The following SUN1 variants were observed in gnomAD, a reference collection of about 807,000 sequenced individuals.
SUN1 encodes Sad1 and UNC84 domain containing 1.
SUN1 carries 61 observed loss-of-function variants against 103.2 expected under a neutral mutation model. The observed-to-expected ratio is 0.59, with a 90% CI of 0.48 to 0.73. SUN1 has a LOEUF of 0.73. Ranked by LOEUF, SUN1 falls within the 30% of genes least tolerant of loss-of-function variation. The pLI is 0.00. For synonymous variants in SUN1, 490 were observed against 425.7 expected, an observed-to-expected ratio of 1.15 and a Z score of -1.86; for missense variants, 1,052 against 1,034.6, an observed-to-expected ratio of 1.02 and a Z score of -0.23.
intron 5 of SUN1, chr7:848,714 C>G (rs532462224): frequency 1.3e-6 from 1 of 768,142 alleles, no homozygotes; most frequent in Non-Finnish European, 1.8e-6. Context: ...TCGCTGCCTC[C>G]TCCTGTGGTC....
chr7:869,658 T>C lies in SUN1; in HGVS notation c.2148+142T>C, dbSNP rs894266160. 4 of 1,018,928 alleles carry C rather than the reference T, an allele frequency of 3.9e-6. No individual in the cohort carries two copies. In the South Asian group the frequency reaches 5.0e-5, roughly 13 times the overall value. 63.1% of individuals were successfully genotyped at this position (1,018,928 alleles called of 1,614,324 possible). A position where few individuals can be genotyped will look rare whatever the true frequency, so the allele number is the denominator to read the frequency against. ...CTCAGATTCGGTGTTGAGGGGAACATTCCAGTGCTTTTCTAGGGAGGGTAA... is the reference window on the plus strand; with the variant it reads ...CTCAGATTCGGTGTTGAGGGGAACACTCCAGTGCTTTTCTAGGGAGGGTAA... On this transcript the variant is annotated intron_variant, in intron 17 of 18. Coordinates refer to ENST00000401592, the MANE Select transcript of SUN1 (RefSeq NM_001130965.3).
rs1397662657 is a variant in SUN1, at chr7:832,671, T to C, written c.77+70T>C. The C allele has an allele frequency of 3.3e-6, 4 of 1,216,482 alleles. No homozygotes were observed. In the East Asian group the frequency reaches 9.9e-5, roughly 30 times the overall value. The allele number at this position is 1,216,482 out of a possible 1,614,324, so 75.4% of individuals were successfully genotyped here. A position where few individuals can be genotyped will look rare whatever the true frequency, so the allele number is the denominator to read the frequency against. ...CTCGCTGTCGCGGTGGCGTGGACCT[T>C]AACAGGAACTCCATAGTACTACCGA... On this transcript the variant is annotated intron_variant, in intron 1 of 18. Transcript: ENST00000401592.
rs764780487 is a variant in SUN1, at chr7:853,506, G to A, written c.1151G>A (p.Arg384Gln). Reference protein sequence around the residue: ...GQCHHHGENLRELTTLLQKLQ... With the variant: ...GQCHHHGENLQELTTLLQKLQ... Reference sequence around the variant, plus strand: ...TGCCACCACCATGGTGAGAATCTCCGAGAGCTGACCACTTTGCTACAGAAG... The same window carrying A: ...TGCCACCACCATGGTGAGAATCTCCAAGAGCTGACCACTTTGCTACAGAAG... The change falls in exon 10 of 19, where the codon CGA becomes CAA. Residue 384 changes from arginine to glutamine, a missense_variant. Arg to Gln is a conservative substitution (Grantham distance 43). Coordinates refer to ENST00000401592, the MANE Select transcript of SUN1 (RefSeq NM_001130965.3). 25 of 1,613,782 alleles carry A rather than the reference G, an allele frequency of 1.5e-5. No individual in the cohort carries two copies. The highest frequency in any genetic ancestry group is 4.5e-5 in the East Asian group (2 of 44,906).
intron 18 of SUN1, 28 bp from the exon 19 acceptor site, chr7:873,187 G>T: frequency 6.3e-7 from 1 of 1,592,130 alleles, no homozygotes; most frequent in Non-Finnish European, 8.6e-7. Flanking sequence ...TGAAATACAT[G>T]TGTGTGTTTT....
chr7:870,872 CT>C (rs1350662107), intron 17 of SUN1, among the ~76,000 whole-genome samples: 2 of 144,788 alleles, frequency 1.4e-5, no homozygotes, highest in African/African-American at 5.1e-5. Flanking sequence ...CTAGCATTTT[CT>C]TTTTATTTTC....
chr7:866,819 C>T (rs1444133609), intron 16 of SUN1, among the ~76,000 whole-genome samples: 1 of 146,918 alleles, frequency 6.8e-6, no homozygotes, highest in Non-Finnish European at 1.5e-5. Flanking sequence ...TCCCCGTCTC[C>T]TGGACCTTCT....
Position 857,976 on chromosome 7 carries a change from T to C in SUN1, c.1524+19T>C. ...AGAAAGAGTGAGCTTTCTGCATGTT[T>C]ACTTTTTGTTTTATAATAGAAAGTA... is the stretch of plus-strand genomic sequence containing the variant. On this transcript the variant is annotated intron_variant, in intron 13 of 18. Transcript: ENST00000401592. 1 of 1,538,364 alleles carries C rather than the reference T, an allele frequency of 6.5e-7. No homozygotes were observed. Among genetic ancestry groups the C allele is most frequent in the Non-Finnish European group, 8.8e-7 (1 of 1,136,734 alleles).
At chr7:851,083 G>C in intron 5 of SUN1, 1 of 221,090 alleles carries the variant, frequency 4.5e-6, no homozygotes, top group Non-Finnish European at 9.1e-6. Flanking sequence ...TTGTAGGGCG[G>C]CTTCCAACCT....
rs537530776 is a variant in SUN1, at chr7:865,799, A to G, written c.1865-153A>G. Among the ~76,000 whole-genome samples, 58 of 152,194 alleles carry G rather than the reference A, an allele frequency of 3.8e-4. 2 individuals carry two copies. The highest frequency in any genetic ancestry group is 1.3e-3 in the African/African-American group (56 of 41,520). The stretch of plus-strand genomic sequence containing the variant: ...GCCATTGTAACTGGGGGGAGAAGAG[A>G]TCTAATTGTAGTTTTTACTTGCATT... On this transcript the variant is annotated intron_variant, in intron 15 of 18. Coordinates refer to ENST00000401592, the MANE Select transcript of SUN1 (RefSeq NM_001130965.3).
At chr7:848,558 C>T in intron 5 of SUN1, 1 of 1,358,370 alleles carries the variant, frequency 7.4e-7, no homozygotes, top group Non-Finnish European at 9.8e-7. Context: ...ATTGAAAACT[C>T]ATGAATCAAA....
At chr7:842,833 G>A (rs901069349) in intron 3 of SUN1, 4 of 375,254 alleles carry the variant, frequency 1.1e-5, no homozygotes, top group Non-Finnish European at 2.0e-5. Flanking sequence ...GTTCTGTTTT[G>A]CTCAGCTAGT....
chr7:858,017 T>G (rs1829087987), intron 13 of SUN1, 60 bp downstream of exon 13: 27 of 1,488,778 alleles, frequency 1.8e-5, no homozygotes, highest in Non-Finnish European at 2.2e-5. Context: ...AAACTTGAAT[T>G]GATGACTTAG....
chr7:844,646 C>T (rs1220282273), intron 5 of SUN1, among the ~76,000 whole-genome samples: 1 of 152,184 alleles, frequency 6.6e-6, no homozygotes, highest in African/African-American at 2.4e-5. Context: ...GGGAGCGGGG[C>T]GGCACGTGGG....
chr7:856,531 T>C (rs1007071531), intron 12 of SUN1, 130 bp downstream of exon 12: 2 of 985,876 alleles, frequency 2.0e-6, no homozygotes, highest in African/African-American at 3.2e-5. Flanking sequence ...GCCCTGAGGT[T>C]CGTGCCGACA....
At chr7:843,839 G>A (rs1330443223) in intron 5 of SUN1, 7 of 1,374,980 alleles carry the variant, frequency 5.1e-6, no homozygotes, top group South Asian at 1.6e-5. Context: ...TTTATAAAAC[G>A]GCACAGATGT....
intron 15 of SUN1, 62 bp from the exon 16 acceptor site, chr7:865,890 A>G (rs1836107857): frequency 4.6e-6 from 6 of 1,303,912 alleles, no homozygotes; most frequent in Non-Finnish European, 6.7e-6. Flanking sequence ...GAAGTGGTGC[A>G]GTACTATTGC....
chr7:827,507 T>G (rs1185963255), upstream of SUN1, among the ~76,000 whole-genome samples: 1 of 150,064 alleles, frequency 6.7e-6, no homozygotes, highest in Non-Finnish European at 1.5e-5. Flanking sequence ...TCACGCTCTG[T>G]CCCCCAGGCT....
intron 5 of SUN1, among the ~76,000 whole-genome samples, chr7:845,540 GA>G (rs147575240): frequency 1.2e-4 from 17 of 147,076 alleles, no homozygotes; most frequent in African/African-American, 3.0e-4. Context: ...TGCCACACCA[GA>G]AAAAAAAAAC....
rs1842945955 is a variant in SUN1, at chr7:873,292, T to C, written c.2319T>C (p.Cys773=). Residue 773 remains cysteine, a synonymous_variant, in exon 19 of 19, where the codon TGT becomes TGC. Transcript: ENST00000401592. ...FSNWGHPEYT[C]LYRFRVHGEP... ...ACTGGGGCCATCCTGAGTATACCTG[T>C]CTGTATCGGTTCAGAGTTCATGGCG... The C allele has an allele frequency of 4.3e-6, 7 of 1,614,252 alleles. No homozygotes were observed. Among genetic ancestry groups the C allele is most frequent in the Non-Finnish European group, 5.9e-6 (7 of 1,180,052 alleles).
Sources: allele counts gnomAD v4.1 joint callset (sites outside exome capture counted in the v4.1 genomes callset), GRCh38; gene constraint gnomAD v4.1.1; transcripts MANE v1.5; gene names NCBI Gene and HGNC (gene_info 2026-07-23, HGNC 2026-07-21).